The following TOP1MT variants were observed in gnomAD, a reference collection of about 807,000 sequenced individuals.
TOP1MT encodes DNA topoisomerase I, mitochondrial.
Under a neutral mutation model 73.9 loss-of-function variants are expected in TOP1MT, and 80 were observed. That is an observed-to-expected ratio of 1.08 (90% CI 0.90 to 1.30). The LOEUF (loss-of-function observed/expected upper bound fraction) is 1.30, where lower values mean the gene tolerates loss of function less well. Ranked by LOEUF, TOP1MT falls within the 50% of genes most tolerant of loss-of-function variation. TOP1MT has a pLI of 0.00. For synonymous variants in TOP1MT, 338 were observed against 326.4 expected, an observed-to-expected ratio of 1.04 and a Z score of -0.38; for missense variants, 815 against 808.0, an observed-to-expected ratio of 1.01 and a Z score of -0.10.
chr8:143,337,492 T>C (rs1158595029), upstream of TOP1MT, among the ~76,000 whole-genome samples: 2 of 152,240 alleles, frequency 1.3e-5, no homozygotes, highest in East Asian at 3.9e-4. Flanking sequence ...TTACAGAAAT[T>C]GACAACCTGA....
At position 143,334,696 on chromosome 8, in the gene TOP1MT, C is replaced by G; in HGVS notation, c.122+44G>C. 1.9e-6 allele frequency: 3 copies of G among 1,596,036 alleles called. 1 individual carries two copies. The South Asian group carries it at 3.3e-5, about 18-fold the overall frequency. On this transcript the variant is annotated intron_variant, in intron 1 of 13. Coordinates refer to ENST00000329245, the MANE Select transcript of TOP1MT (RefSeq NM_052963.3). ...CTCCCCTTTCTGGACCTACCCAAGC[C>G]CGGTGCTCAGGGCCCTCGCCGCCTG...
upstream of TOP1MT, among the ~76,000 whole-genome samples, chr8:143,337,639 T>C (rs1045161786): frequency 2.0e-5 from 3 of 152,166 alleles, no homozygotes; most frequent in African/African-American, 7.2e-5. Flanking sequence ...CAAGACCCCA[T>C]CTGTACTAAA....
chr8:143,341,873 CCTT>C lies in TOP1MT; in HGVS notation c.29+1344_29+1346del, dbSNP rs36196322. ...CCTCCTCCTTCCTCTTTCTCCTCCC[CCTT>C]CTTCTTCTTCTTATTAGCGACAGAG... On this transcript the variant is annotated intron_variant, in intron 2 of 5. Transcript: ENST00000518007. This position sits in a 1 kb window ranked among gnomAD's most constrained non-coding sequence, Gnocchi z 4.1. 0.084 allele frequency among the ~76,000 whole-genome samples: 12,622 copies of C among 150,442 alleles called. 1,719 individuals carry two copies. The highest frequency in any genetic ancestry group is 0.29 in the African/African-American group (11,707 of 40,026).
intron 12 of TOP1MT, 138 bp from the exon 13 acceptor site, chr8:143,310,355 A>G (rs1025372576): frequency 3.1e-6 from 2 of 641,576 alleles, no homozygotes; most frequent in Non-Finnish European, 4.9e-6. Context: ...CCATCACAGC[A>G]AAAGACCAGC....
chr8:143,315,974 T>C, intron 11 of TOP1MT, 25 bp downstream of exon 11: 3 of 1,613,962 alleles, frequency 1.9e-6, no homozygotes, highest in South Asian at 2.2e-5. Context: ...AGGGCTGGGC[T>C]GGGGGCTCTC....
chr8:143,329,517 T>C lies in TOP1MT; in HGVS notation c.239-46A>G, dbSNP rs1816796043. 3.8e-6 allele frequency: 6 copies of C among 1,586,918 alleles called. No homozygotes were observed. In the East Asian group the frequency reaches 1.4e-4, roughly 36 times the overall value. On this transcript the variant is annotated intron_variant, in intron 2 of 13. Transcript: ENST00000329245. ...ATCGTATGAGAGAGCGGCCAGAGGCTCGGCCTCCAGCTGACATGACCTCAT... is the reference window on the plus strand; with the variant it reads ...ATCGTATGAGAGAGCGGCCAGAGGCCCGGCCTCCAGCTGACATGACCTCAT...
At chr8:143,346,494 G>C (rs571503023), upstream of TOP1MT, among the ~76,000 whole-genome samples, 3 of 152,312 alleles carry the variant, frequency 2.0e-5, no homozygotes, top group Admixed American at 6.5e-5. Flanking sequence ...GAATAAGAAA[G>C]GGGGCTGTGC....
chr8:143,356,691 CAGG>C (rs1280121243), upstream of TOP1MT, among the ~76,000 whole-genome samples: 3 of 141,980 alleles, frequency 2.1e-5, no homozygotes, highest in South Asian at 4.3e-4. Flanking sequence ...GAGGCTGAGG[CAGG>C]AGAATAGATT....
At chr8:143,348,108 G>A (rs564582509), upstream of TOP1MT, among the ~76,000 whole-genome samples, 3 of 152,228 alleles carry the variant, frequency 2.0e-5, no homozygotes, top group East Asian at 3.9e-4. This position sits in a 1 kb window ranked among gnomAD's most constrained non-coding sequence, Gnocchi z 4.6. Flanking sequence ...AAGTCCTGCC[G>A]CCTAAGCCCT....
chr8:143,343,234 TG>T lies in TOP1MT; in HGVS notation c.14del (p.Pro5GlnfsTer16). 2 of 456,310 alleles carry T rather than the reference TG, an allele frequency of 4.4e-6. No individual in the cohort carries two copies. Among genetic ancestry groups the T allele is most frequent in the South Asian group, 3.1e-5 (2 of 64,570 alleles). The allele number at this position is 456,310 out of a possible 1,614,324, so 28.3% of individuals were successfully genotyped here. A position where few individuals can be genotyped will look rare whatever the true frequency, so the allele number is the denominator to read the frequency against. ...AAGATGCCGACTTGGCCTTTTTTCT[TG>T]GGTGGCTTTTCATGGTGATTAGTCT... On this transcript the variant is annotated frameshift_variant, in exon 2 of 6. Coordinates refer to the TOP1MT transcript ENST00000518007. LOFTEE classifies it high-confidence loss of function.
intron 2 of TOP1MT, among the ~76,000 whole-genome samples, chr8:143,329,673 G>T (rs2467893): frequency 0.076 from 11,584 of 152,004 alleles, 790 homozygotes; most frequent in African/African-American, 0.18. Context: ...ACAGTGATCT[G>T]GGAGCGGGTC....
chr8:143,343,341 C>A, intron 1 of TOP1MT: 1 of 449,292 alleles, frequency 2.2e-6, no homozygotes, highest in East Asian at 7.0e-5. Context: ...TTAGGGTTGC[C>A]ATTCTAACAA....
chr8:143,328,226 G>A (rs1291269240), intron 3 of TOP1MT: 1 of 455,994 alleles, frequency 2.2e-6, no homozygotes, highest in African/African-American at 2.0e-5. Context: ...GCATAACTAA[G>A]TTACAGTTTT....
intron 8 of TOP1MT, among the ~76,000 whole-genome samples, chr8:143,318,825 G>A (rs921161701): frequency 1.8e-4 from 28 of 152,256 alleles, no homozygotes; most frequent in African/African-American, 6.3e-4. Context: ...GGGACATGGC[G>A]GGAAGCCCCA....
intron 1 of TOP1MT, chr8:143,355,900 C>G (rs578215493): frequency 1.2e-4 from 19 of 152,378 alleles, no homozygotes; most frequent in African/African-American, 4.6e-4. Flanking sequence ...CCCTCGCTCC[C>G]CCCATTCCCT....
chr8:143,313,395 C>T (rs1314850863), intron 12 of TOP1MT, among the ~76,000 whole-genome samples: 1 of 151,490 alleles, frequency 6.6e-6, no homozygotes, highest in South Asian at 2.1e-4. Context: ...TACTAAAATA[C>T]AAAAATTAGC....
chr8:143,316,011 A>G lies in TOP1MT; in HGVS notation c.1446T>C (p.Asn482=). 1 of 1,614,082 alleles carries G rather than the reference A, an allele frequency of 6.2e-7. No individual in the cohort carries two copies. Among genetic ancestry groups the G allele is most frequent in the Non-Finnish European group, 8.5e-7 (1 of 1,179,984 alleles). ...TPSTFEKSMQ[N]LQTKIQAKKE... Reference sequence around the variant, plus strand: ...TGGGAGCTGCTACCTTCGTCTGGAGATTCTGCATCGACTTCTCGAACGTAC... The same window carrying G: ...TGGGAGCTGCTACCTTCGTCTGGAGGTTCTGCATCGACTTCTCGAACGTAC... Residue 482 remains asparagine, a synonymous_variant, in exon 11 of 14, where the codon AAT becomes AAC. Coordinates refer to ENST00000329245, the MANE Select transcript of TOP1MT (RefSeq NM_052963.3).
chr8:143,332,050 T>C (rs1021313483), intron 1 of TOP1MT, among the ~76,000 whole-genome samples: 3 of 121,668 alleles, frequency 2.5e-5, no homozygotes, highest in Non-Finnish European at 5.0e-5. Flanking sequence ...AGCCCAGCTC[T>C]GGAGATTGGG....
At chr8:143,356,382 A>C (rs1817407902), upstream of TOP1MT, among the ~76,000 whole-genome samples, 1 of 152,278 alleles carries the variant, frequency 6.6e-6, no homozygotes, top group African/African-American at 2.4e-5. Context: ...CAGCAGATCC[A>C]ACCCTTCTGA....
Sources: allele counts gnomAD v4.1 joint callset (sites outside exome capture counted in the v4.1 genomes callset), GRCh38; gene constraint gnomAD v4.1.1; non-coding constraint Gnocchi (gnomAD v3.1); transcripts MANE v1.5; gene names NCBI Gene and HGNC (gene_info 2026-07-23, HGNC 2026-07-21).